The following CTNND2 variants were observed in gnomAD, a reference collection of about 807,000 sequenced individuals.
CTNND2 encodes catenin delta 2.
CTNND2 carries 22 observed loss-of-function variants against 144.4 expected under a neutral mutation model. That is an observed-to-expected ratio of 0.15 (90% CI 0.11 to 0.22). The LOEUF is 0.22. Among genes scored for constraint, CTNND2 ranks in the 10% least tolerant of loss-of-function variants. The pLI is 1.00. For synonymous variants in CTNND2, 751 were observed against 695.6 expected (o/e 1.08, Z -1.25); for missense variants, 1,353 against 1,618.8 (o/e 0.84, Z 2.82).
chr5:11,552,257 TC>T lies in CTNND2; in HGVS notation c.287+12686del, dbSNP rs1238481588. On this transcript the variant is annotated intron_variant, in intron 3 of 21. Transcript: ENST00000304623. The stretch of plus-strand genomic sequence containing the variant: ...GGTATCCCTCAGTGTGAAACACTAT[TC>T]CAGTTCCTTAGCTTTAGCTCAAGTT... Among the ~76,000 whole-genome samples, 16 of 152,340 alleles carry T rather than the reference TC, an allele frequency of 1.1e-4. 1 individual carries two copies. In the East Asian group the frequency reaches 2.5e-3, roughly 24 times the overall value.
At chr5:11,070,397 T>C (rs1015806332) in intron 16 of CTNND2, among the ~76,000 whole-genome samples, 2 of 152,122 alleles carry the variant, frequency 1.3e-5, no homozygotes, top group Admixed American at 1.3e-4. Context: ...AAAGATAGAT[T>C]ACTAGAAATT....
chr5:11,775,692 G>T (rs1790213033), intron 1 of CTNND2, among the ~76,000 whole-genome samples: 1 of 152,204 alleles, frequency 6.6e-6, no homozygotes, highest in South Asian at 2.1e-4. Context: ...CGAAGCTCTG[G>T]GCCCCGGAAG....
chr5:11,886,242 T>TA (rs34877556), intron 1 of CTNND2, among the ~76,000 whole-genome samples: 31,075 of 151,858 alleles, frequency 0.2, 3,743 homozygotes, highest in Non-Finnish European at 0.27. Context: ...TTTCAAAAGA[T>TA]AAATAAAATG....
At chr5:11,246,069 A>C (rs1742965334) in intron 9 of CTNND2, among the ~76,000 whole-genome samples, 1 of 151,910 alleles carries the variant, frequency 6.6e-6, no homozygotes, top group Admixed American at 6.6e-5. Context: ...GAACCCTCTC[A>C]CTCCTCCAAA....
chr5:11,487,089 A>G lies in CTNND2; in HGVS notation c.288-75020T>C, dbSNP rs115187140. On this transcript the variant is annotated intron_variant, in intron 3 of 21. Coordinates refer to ENST00000304623, the MANE Select transcript of CTNND2 (RefSeq NM_001332.4). ...TTTTATTCACTTTTGTATTGGTAAG[A>G]TTTTATTTTCTTTGCTGAAACCTCC... Among the ~76,000 whole-genome samples, 484 of 152,300 alleles carry G rather than the reference A, an allele frequency of 3.2e-3. 4 individuals are homozygous for G. The highest frequency in any genetic ancestry group is 0.011 in the African/African-American group (468 of 41,566).
At chr5:11,067,791 A>G (rs1191013687) in intron 16 of CTNND2, among the ~76,000 whole-genome samples, 1 of 152,242 alleles carries the variant, frequency 6.6e-6, no homozygotes, top group Admixed American at 6.5e-5. Flanking sequence ...TTGGTCTTCA[A>G]ACATAAGGGG....
chr5:11,693,605 T>A (rs1785005708), intron 2 of CTNND2, among the ~76,000 whole-genome samples: 1 of 152,238 alleles, frequency 6.6e-6, no homozygotes, highest in Non-Finnish European at 1.5e-5. Context: ...CAATGGAATC[T>A]CAATGAGGAC....
chr5:11,283,772 G>T (rs1181119610), intron 9 of CTNND2, among the ~76,000 whole-genome samples: 3 of 142,734 alleles, frequency 2.1e-5, no homozygotes, highest in African/African-American at 7.7e-5. Flanking sequence ...ACAAATACAT[G>T]TTAGATTATT....
chr5:11,205,658 A>G (rs563825196), intron 10 of CTNND2, among the ~76,000 whole-genome samples: 77 of 152,338 alleles, frequency 5.1e-4, no homozygotes, highest in Admixed American at 4.2e-3. Context: ...CAGTTTCCAT[A>G]AAATATGAAC....
chr5:11,711,387 A>G (rs1301375021), intron 2 of CTNND2, among the ~76,000 whole-genome samples: 7 of 152,106 alleles, frequency 4.6e-5, no homozygotes, highest in Admixed American at 2.6e-4. Flanking sequence ...ATTTTTTTAT[A>G]TATATTTAAT....
chr5:11,029,518 C>A (rs900594546), intron 16 of CTNND2, among the ~76,000 whole-genome samples: 29 of 152,152 alleles, frequency 1.9e-4, no homozygotes, highest in African/African-American at 5.5e-4. Flanking sequence ...TGAATTTATA[C>A]CAGGTTAACT....
chr5:11,075,135 A>AG (rs1455358525), intron 16 of CTNND2, among the ~76,000 whole-genome samples: 2 of 152,232 alleles, frequency 1.3e-5, no homozygotes, highest in African/African-American at 4.8e-5. Context: ...CTCACTACAC[A>AG]GGGGGGCGCT....
chr5:11,871,104 T>C (rs1192188526), intron 1 of CTNND2, among the ~76,000 whole-genome samples: 1 of 152,116 alleles, frequency 6.6e-6, no homozygotes, highest in Admixed American at 6.6e-5. Flanking sequence ...TTCCACCATA[T>C]AAGAATATAA....
intron 2 of CTNND2, among the ~76,000 whole-genome samples, chr5:11,636,968 T>C (rs1201341965): frequency 1.3e-5 from 2 of 151,928 alleles, no homozygotes; most frequent in African/African-American, 2.4e-5. Context: ...ATAAATAATA[T>C]CATGATCCAG....
intron 7 of CTNND2, among the ~76,000 whole-genome samples, chr5:11,382,151 A>T (rs951700555): frequency 1.8e-4 from 27 of 152,208 alleles, no homozygotes; most frequent in African/African-American, 6.5e-4. Context: ...TATATTAAAA[A>T]GTCTCTTCCT....
At chr5:11,246,165 C>T (rs368616002) in intron 9 of CTNND2, among the ~76,000 whole-genome samples, 28 of 152,116 alleles carry the variant, frequency 1.8e-4, no homozygotes, top group African/African-American at 6.5e-4. Context: ...AGCTGACTTT[C>T]GATTGGTCAC....
intron 1 of CTNND2, among the ~76,000 whole-genome samples, chr5:11,839,238 G>T (rs1407530296): frequency 6.6e-6 from 1 of 151,920 alleles, no homozygotes; most frequent in Non-Finnish European, 1.5e-5. Flanking sequence ...ATTACCCAGA[G>T]AACTGAAGCA....
intron 12 of CTNND2, among the ~76,000 whole-genome samples, chr5:11,138,176 A>G (rs1756347613): frequency 6.6e-6 from 1 of 152,000 alleles, no homozygotes; most frequent in Non-Finnish European, 1.5e-5. Context: ...TCCTTTCTCC[A>G]TCCTCAAAGC....
chr5:11,710,730 C>CTG lies in CTNND2; in HGVS notation c.174+21404_174+21405dup, dbSNP rs931461987. The stretch of plus-strand genomic sequence containing the variant: ...CTATTTTTTCCCTAAATGCCTCAGC[C>CTG]TGCTGCCTTCACAGCAGTTACAGCT... On this transcript the variant is annotated intron_variant, in intron 2 of 21. Coordinates refer to ENST00000304623, the MANE Select transcript of CTNND2 (RefSeq NM_001332.4). Among the ~76,000 whole-genome samples, 17 of 152,234 alleles carry CTG rather than the reference C, an allele frequency of 1.1e-4. No homozygotes were observed. The East Asian group carries it at 2.9e-3, about 26-fold the overall frequency.
Sources: gnomAD v4.1 joint callset for allele counts (sites outside exome capture counted in the v4.1 genomes callset) on GRCh38, gnomAD v4.1.1 for gene constraint, MANE v1.5 for transcripts, NCBI Gene and HGNC (gene_info 2026-07-23, HGNC 2026-07-21) for gene names.